MYRFL: variants seen among roughly 807,000 people sequenced by gnomAD.
MYRFL encodes myelin regulatory factor like.
A neutral mutation model predicts 109.4 loss-of-function variants in MYRFL; 88 were observed. The ratio of observed to expected loss-of-function variants is 0.80; its 90% CI spans 0.68 to 0.96. The LOEUF is 0.96. MYRFL is among the 40% of genes least tolerant of loss of function. The pLI, the probability that MYRFL is intolerant of heterozygous loss-of-function variation, is 0.00. For synonymous variants in MYRFL, 324 were observed against 320.9 expected (o/e 1.01, Z -0.10); for missense variants, 957 against 954.9 (o/e 1.00, Z -0.03).
At chr12:69,830,700 CCTTT>C (rs1326558903) in intron 1 of MYRFL, among the ~76,000 whole-genome samples, 1 of 152,012 alleles carries the variant, frequency 6.6e-6, no homozygotes, top group Non-Finnish European at 1.5e-5. Context: ...CTAAGAAATA[CCTTT>C]CTTCTTTCAT....
intron 2 of MYRFL, among the ~76,000 whole-genome samples, chr12:69,877,090 C>A (rs1447181024): frequency 1.4e-5 from 2 of 146,980 alleles, no homozygotes; most frequent in Non-Finnish European, 3.0e-5. Context: ...GTGGCGCGAT[C>A]TTGGCTCACT....
At chr12:69,851,941 C>T (rs1204892665) in intron 1 of MYRFL, among the ~76,000 whole-genome samples, 1 of 152,212 alleles carries the variant, frequency 6.6e-6, no homozygotes, top group African/African-American at 2.4e-5. Context: ...GGATTACAGG[C>T]ATGAGCTGTG....
intron 2 of MYRFL, among the ~76,000 whole-genome samples, chr12:69,868,860 GCA>G (rs925578780): frequency 1.3e-5 from 2 of 152,008 alleles, no homozygotes; most frequent in Non-Finnish European, 1.5e-5. Flanking sequence ...GCACACATGT[GCA>G]CACACACGCG....
rs555301439 is a variant in MYRFL at position 69,916,848 on chromosome 12, G to A, written c.1602+5918G>A. 2.7e-4 allele frequency among the ~76,000 whole-genome samples: 41 copies of A among 152,214 alleles called. 1 individual carries two copies. In the South Asian group the frequency reaches 7.7e-3, roughly 28 times the overall value. On this transcript the variant is annotated intron_variant, in intron 13 of 24. Coordinates refer to ENST00000552032, the MANE Select transcript of MYRFL (RefSeq NM_182530.3). ...AATATTTCATTTTCTCAAATAAGCTGGGCCCTTTCAGAATATGATGTGTTT... is the reference window on the plus strand; with the variant it reads ...AATATTTCATTTTCTCAAATAAGCTAGGCCCTTTCAGAATATGATGTGTTT...
intron 23 of MYRFL, 78 bp from the exon 24 acceptor site, chr12:69,958,171 T>G: frequency 5.4e-6 from 7 of 1,305,430 alleles, no homozygotes; most frequent in Non-Finnish European, 7.4e-6. Context: ...ATTGAGGAAA[T>G]GCTTTTTCAG....
At position 69,942,954 on chromosome 12, in the gene MYRFL, A is replaced by T. The variant is rs1955709505; in HGVS notation, c.2224+6322A>T. On this transcript the variant is annotated intron_variant, in intron 19 of 24. Transcript: ENST00000552032. Reference sequence around the variant, plus strand: ...ACAATTGCTTCAAAGAGAATAAAATACCTAGGAATCCAACTTACAAGGGAT... The same window carrying T: ...ACAATTGCTTCAAAGAGAATAAAATTCCTAGGAATCCAACTTACAAGGGAT... Among the ~76,000 whole-genome samples the T allele has an allele frequency of 3.3e-5, 5 of 152,046 alleles. No individual in the cohort carries two copies. The South Asian group carries it at 1.0e-3, about 32-fold the overall frequency.
At chr12:69,852,579 A>ATTTTTTTTTTTT (rs61145700) in intron 1 of MYRFL, among the ~76,000 whole-genome samples, 14 of 112,202 alleles carry the variant, frequency 1.2e-4, no homozygotes, top group Admixed American at 2.0e-4. Flanking sequence ...TTAATTTTTA[A>ATTTTTTTTTTTT]TTTTTTTTTT....
chr12:69,949,740 A>G (rs1306224569), intron 19 of MYRFL, among the ~76,000 whole-genome samples: 2 of 151,638 alleles, frequency 1.3e-5, no homozygotes, highest in Non-Finnish European at 1.5e-5. Flanking sequence ...AGTGTGGCCT[A>G]GGGAAGCCAG....
At position 69,903,861 on chromosome 12, in the gene MYRFL, G is replaced by A. The variant is rs1221205885; in HGVS notation, c.1383+17G>A. On this transcript the variant is annotated intron_variant, in intron 11 of 24. Transcript: ENST00000552032. ...ATCCAGGAGGTGAGCACAGATTCAGGCCCTGGGCCCCTCCTCTGACACCCC... is the reference window on the plus strand; with the variant it reads ...ATCCAGGAGGTGAGCACAGATTCAGACCCTGGGCCCCTCCTCTGACACCCC... 2.7e-6 allele frequency: 4 copies of A among 1,498,936 alleles called. No individual in the cohort carries two copies. The highest frequency in any genetic ancestry group is 3.6e-6 in the Non-Finnish European group (4 of 1,125,012). 92.9% of individuals were successfully genotyped at this position (1,498,936 alleles called of 1,614,324 possible).
chr12:69,933,742 A>T (rs1955348540), intron 16 of MYRFL, among the ~76,000 whole-genome samples: 1 of 152,168 alleles, frequency 6.6e-6, no homozygotes, highest in South Asian at 2.1e-4. Context: ...TTCCCAACTC[A>T]GGAGAGTGTG....
At position 69,957,810 on chromosome 12, in the gene MYRFL, T is replaced by TGTCTC. The variant is rs1397458888; in HGVS notation, c.2451-11_2451-7dup. On this transcript the variant is annotated splice_polypyrimidine_tract_variant and intron_variant, in intron 22 of 24. Transcript: ENST00000552032. Reference sequence around the variant, plus strand: ...TTTTTCAGGTGCTCTTTCTTTTCTTTGTCTCTTGAAGCACAACAGAGCCAT... The same window carrying TGTCTC: ...TTTTTCAGGTGCTCTTTCTTTTCTTTGTCTCGTCTCTTGAAGCACAACAGAGCCAT... 9 of 1,511,064 alleles carry TGTCTC rather than the reference T, an allele frequency of 6.0e-6. No homozygotes were observed. In the East Asian group the frequency reaches 2.2e-4, roughly 37 times the overall value. The allele number at this position is 1,511,064 out of a possible 1,614,324, so 93.6% of individuals were successfully genotyped here.
At chr12:69,937,605 A>G (rs1955512042) in intron 19 of MYRFL, among the ~76,000 whole-genome samples, 1 of 152,218 alleles carries the variant, frequency 6.6e-6, no homozygotes, top group South Asian at 2.1e-4. Context: ...TATGTATAAC[A>G]CATATCACCT....
chr12:69,880,769 C>T (rs1886026728), intron 5 of MYRFL, among the ~76,000 whole-genome samples: 1 of 152,154 alleles, frequency 6.6e-6, no homozygotes. Flanking sequence ...GCTACTGGCT[C>T]ATGGAAGGCA....
At chr12:69,893,411 G>C (rs1440003987) in intron 7 of MYRFL, among the ~76,000 whole-genome samples, 1 of 152,084 alleles carries the variant, frequency 6.6e-6, no homozygotes. Flanking sequence ...GCAGTTCCTC[G>C]TACATAGTGG....
chr12:69,926,384 C>A (rs1402869789), intron 13 of MYRFL, among the ~76,000 whole-genome samples, 187 bp from the exon 14 acceptor site: 7 of 152,148 alleles, frequency 4.6e-5, no homozygotes, highest in Admixed American at 4.6e-4. Context: ...TACTACACAG[C>A]CAGCAGTTTA....
In MYRFL at chr12:69,926,932, GGTTTTTT is replaced by G. The variant is rs1467329819; in HGVS notation, c.1766+199_1766+205del. On this transcript the variant is annotated intron_variant, in intron 14 of 24. Transcript: ENST00000552032. Reference sequence around the variant, plus strand: ...ACTTTCTTAGTTTTTTTCTGTTGCTGGTTTTTTTTTTTTTTTTTTTTTTTTTTTTGAG... The same window carrying G: ...ACTTTCTTAGTTTTTTTCTGTTGCTGTTTTTTTTTTTTTTTTTTTTTTGAG... Among the ~76,000 whole-genome samples the G allele has an allele frequency of 1.7e-4, 13 of 76,850 alleles. 3 individuals are homozygous for G. Among genetic ancestry groups the G allele is most frequent in the Non-Finnish European group, 2.3e-4 (9 of 39,078 alleles). The allele number at this position is 76,850 out of a possible 152,430, so 50.4% of individuals were successfully genotyped here. A position where few individuals can be genotyped will look rare whatever the true frequency, so the allele number is the denominator to read the frequency against.
intron 1 of MYRFL, among the ~76,000 whole-genome samples, chr12:69,850,454 A>G (rs1435986083): frequency 2.6e-5 from 4 of 152,222 alleles, no homozygotes; most frequent in Admixed American, 2.0e-4. Flanking sequence ...TTAATTCTGA[A>G]AAAAGTAATT....
chr12:69,873,872 A>G (rs1190396170), intron 2 of MYRFL, among the ~76,000 whole-genome samples: 1 of 150,874 alleles, frequency 6.6e-6, no homozygotes, highest in Non-Finnish European at 1.5e-5. Context: ...TCTGTTTCTT[A>G]TTCTTCTGTA....
chr12:69,939,031 C>G (rs1033298942), intron 19 of MYRFL, among the ~76,000 whole-genome samples: 27 of 152,192 alleles, frequency 1.8e-4, no homozygotes, highest in Non-Finnish European at 2.9e-4. Context: ...GCACCTGGCT[C>G]GGAGGGTCCT....
Sources: allele counts gnomAD v4.1 joint callset (sites outside exome capture counted in the v4.1 genomes callset), GRCh38; gene constraint gnomAD v4.1.1; transcripts MANE v1.5; gene names NCBI Gene and HGNC (gene_info 2026-07-23, HGNC 2026-07-21).